The following MDH2 variants were observed in gnomAD, a reference collection of about 807,000 sequenced individuals.
MDH2 encodes the protein malate dehydrogenase 2.
MDH2 carries 25 observed loss-of-function variants against 33.6 expected under a neutral mutation model. The ratio of observed to expected loss-of-function variants is 0.74; its 90% CI spans 0.54 to 1.04. The LOEUF is 1.04. MDH2 is among the 50% of genes least tolerant of loss of function. The pLI is 0.00. For missense variants in MDH2, 432 were observed against 445.0 expected (o/e 0.97, Z 0.26); for synonymous variants, 193 against 188.7 (o/e 1.02, Z -0.19).
intron 7 of MDH2, 114 bp from the exon 8 acceptor site, chr7:76,064,688 G>C: frequency 8.0e-7 from 1 of 1,251,176 alleles, no homozygotes; most frequent in South Asian, 1.5e-5. Context: ...GGTGCTGACT[G>C]AAATTCTCCA....
At chr7:76,049,171 C>A in intron 1 of MDH2, 1 of 907,198 alleles carries the variant, frequency 1.1e-6, no homozygotes, top group Non-Finnish European at 1.3e-6. Flanking sequence ...AAAATAAATA[C>A]AAATGCTCCT....
chr7:76,057,571 A>T, intron 3 of MDH2, 78 bp downstream of exon 3: 1 of 1,433,462 alleles, frequency 7.0e-7, no homozygotes, highest in South Asian at 1.2e-5. Flanking sequence ...TTAAAAATGG[A>T]TTTAATCTGG....
At chr7:76,053,122 G>A (rs1314820198) in intron 1 of MDH2, among the ~76,000 whole-genome samples, 1 of 152,204 alleles carries the variant, frequency 6.6e-6, no homozygotes, top group Non-Finnish European at 1.5e-5. Flanking sequence ...GGGTTGGGAG[G>A]GTGGTTGAGC....
intron 3 of MDH2, 38 bp from the exon 4 acceptor site, chr7:76,057,931 G>A (rs1797830655): frequency 6.3e-7 from 1 of 1,583,210 alleles, no homozygotes; most frequent in African/African-American, 1.3e-5. Context: ...GAAATTTGTG[G>A]TGTTCTCTGT....
At chr7:76,050,111 A>C (rs1797572806) in intron 1 of MDH2, among the ~76,000 whole-genome samples, 1 of 151,892 alleles carries the variant, frequency 6.6e-6, no homozygotes, top group African/African-American at 2.4e-5. Flanking sequence ...GGCTCACTGC[A>C]ACCAACTCTT....
chr7:76,066,373 T>C lies in MDH2; in HGVS notation c.980T>C (p.Ile327Thr), dbSNP rs782541871. 1.9e-6 allele frequency: 3 copies of C among 1,611,160 alleles called. No homozygotes were observed. Among genetic ancestry groups the C allele is most frequent in the Non-Finnish European group, 1.7e-6 (2 of 1,179,202 alleles). ...GCCATCCCCGAGCTGAAGGCCTCCA[T>C]CAAGAAGGGGGAAGATTTCGTGAAG... The part of the protein sequence containing the change: ...SDAIPELKAS[I>T]KKGEDFVKTL... The change falls in exon 9 of 9, where the codon ATC (isoleucine) becomes ACC (threonine). Residue 327 changes from isoleucine to threonine, a missense_variant. Coordinates refer to ENST00000315758, the MANE Select transcript of MDH2 (RefSeq NM_005918.4).
intron 5 of MDH2, among the ~76,000 whole-genome samples, chr7:76,062,035 A>AG (rs1797968720): frequency 1.3e-5 from 2 of 152,212 alleles, no homozygotes; most frequent in Non-Finnish European, 2.9e-5. Flanking sequence ...AGTTGGGGAC[A>AG]GGGTACCTTG....
chr7:76,052,385 C>T (rs569232739), intron 1 of MDH2, among the ~76,000 whole-genome samples: 3 of 147,800 alleles, frequency 2.0e-5, no homozygotes, highest in Non-Finnish European at 4.4e-5. Flanking sequence ...GAGCCAAGAT[C>T]GCACCACTGC....
rs540126744 is a variant in MDH2, at chr7:76,055,754, A to T, written c.235+756A>T. Among the ~76,000 whole-genome samples the T allele has an allele frequency of 2.9e-3, 444 of 151,244 alleles. 3 individuals carry two copies. Among genetic ancestry groups the T allele is most frequent in the Admixed American group, 4.7e-3 (71 of 15,162 alleles). ...ACTGTTTCCAAAAAAAAAAAAAAAA[A>T]TTTCATAAATATGCATATTTATATA... On this transcript the variant is annotated intron_variant, in intron 2 of 8. Transcript: ENST00000315758.
At chr7:76,066,183 A>G in intron 8 of MDH2, 96 bp from the exon 9 acceptor site, 1 of 1,478,582 alleles carries the variant, frequency 6.8e-7, no homozygotes, top group South Asian at 1.3e-5. Context: ...ATGTGTAGAG[A>G]GACTCCTCGG....
In MDH2 at chr7:76,060,402, A is replaced by G. The variant is rs1214359813; in HGVS notation, c.459A>G (p.Glu153=). 1 of 1,614,028 alleles carries G rather than the reference A, an allele frequency of 6.2e-7. No individual in the cohort carries two copies. Among genetic ancestry groups the G allele is most frequent in the Non-Finnish European group, 8.5e-7 (1 of 1,180,030 alleles). ...ATTCCACCATCCCCATCACAGCAGAAGTTTTCAAGAAGCATGGAGTGTACA... is the reference window on the plus strand; with the variant it reads ...ATTCCACCATCCCCATCACAGCAGAGGTTTTCAAGAAGCATGGAGTGTACA... ...PVNSTIPITA[E]VFKKHGVYNP... is the part of the protein sequence containing the mutation. The change falls in exon 5 of 9, where the codon GAA becomes GAG. Residue 153 remains glutamate (E), a synonymous_variant. Transcript: ENST00000315758.
chr7:76,054,970 C>G lies in MDH2; in HGVS notation c.207C>G (p.Ser69Arg). 1 of 1,613,974 alleles carries G rather than the reference C, an allele frequency of 6.2e-7. No individual in the cohort carries two copies. The highest frequency in any genetic ancestry group is 1.1e-5 in the South Asian group (1 of 91,042). Residue 69 changes from serine (S) to arginine (R), a missense_variant, in exon 2 of 9, where the codon AGC (serine) becomes AGG (arginine). Physicochemically the swap from Ser to Arg is moderately radical, Grantham distance 110. Coordinates refer to ENST00000315758, the MANE Select transcript of MDH2 (RefSeq NM_005918.4). ...AHTPGVAADLSHIETKAAVKG... is the reference protein window; with the variant it reads ...AHTPGVAADLRHIETKAAVKG... Reference sequence around the variant, plus strand: ...CACCCGGAGTGGCCGCAGATCTGAGCCACATCGAGACCAAAGCCGCTGTGA... The same window carrying G: ...CACCCGGAGTGGCCGCAGATCTGAGGCACATCGAGACCAAAGCCGCTGTGA...
chr7:76,063,215 G>A (rs943947054), intron 5 of MDH2, among the ~76,000 whole-genome samples: 12 of 152,218 alleles, frequency 7.9e-5, no homozygotes, highest in Non-Finnish European at 1.6e-4. Flanking sequence ...ACAGGAGGCA[G>A]CATCCTCCCA....
chr7:76,066,224 C>T, intron 8 of MDH2, 55 bp from the exon 9 acceptor site: 1 of 1,586,438 alleles, frequency 6.3e-7, no homozygotes, highest in Non-Finnish European at 8.6e-7. Context: ...GTCGGGGTTT[C>T]TCTAACAAGC....
chr7:76,051,749 C>T lies in MDH2; in HGVS notation c.67-3081C>T, dbSNP rs138372169. On this transcript the variant is annotated intron_variant, in intron 1 of 8. Coordinates refer to ENST00000315758, the MANE Select transcript of MDH2 (RefSeq NM_005918.4). ...AGAAATTTTAAAACAAACCATAACA[C>T]GTTATAAAGTGTTAAAACTTATAAA... 2.6e-5 allele frequency among the ~76,000 whole-genome samples: 4 copies of T among 152,242 alleles called. No homozygotes were observed. The East Asian group carries it at 5.8e-4, about 22-fold the overall frequency.
chr7:76,057,666 C>T (rs555565800), intron 3 of MDH2, among the ~76,000 whole-genome samples, 173 bp downstream of exon 3: 5 of 152,260 alleles, frequency 3.3e-5, no homozygotes, highest in Admixed American at 6.5e-5. Flanking sequence ...GGATCAAAGT[C>T]GTCTTGCCGT....
intron 2 of MDH2, among the ~76,000 whole-genome samples, chr7:76,057,012 C>CAA (rs55681261): frequency 7.0e-6 from 1 of 143,624 alleles, no homozygotes. Flanking sequence ...GACTCCCTCT[C>CAA]AAAAAAAAAA....
At chr7:76,056,534 G>C (rs890830432) in intron 2 of MDH2, among the ~76,000 whole-genome samples, 1 of 152,088 alleles carries the variant, frequency 6.6e-6, no homozygotes, top group African/African-American at 2.4e-5. Flanking sequence ...CTGTATATTC[G>C]GGTTAAGAAG....
chr7:76,053,891 T>G (rs1285210850), intron 1 of MDH2, among the ~76,000 whole-genome samples: 5 of 152,064 alleles, frequency 3.3e-5, no homozygotes, highest in Non-Finnish European at 7.4e-5. Context: ...CGGGAGTGAT[T>G]GCTGGATGCG....
Sources: allele counts gnomAD v4.1 joint callset (sites outside exome capture counted in the v4.1 genomes callset), GRCh38; gene constraint gnomAD v4.1.1; transcripts MANE v1.5; gene names NCBI Gene and HGNC (gene_info 2026-07-23, HGNC 2026-07-21).